SGK1: variants seen among roughly 807,000 people sequenced by gnomAD.
SGK1 encodes the protein serum/glucocorticoid regulated kinase 1.
Under a neutral mutation model 64.2 loss-of-function variants are expected in SGK1, and 26 were observed. That is an observed-to-expected ratio of 0.40 (90% CI 0.30 to 0.56). The LOEUF is 0.56. Ranked by LOEUF, SGK1 falls within the 20% of genes least tolerant of loss-of-function variation. SGK1 has a pLI of 0.38. For missense variants in SGK1, 519 were observed against 645.6 expected, an observed-to-expected ratio of 0.80 and a Z score of 2.12; for synonymous variants, 265 against 239.7, an observed-to-expected ratio of 1.11 and a Z score of -0.98.
chr6:134,294,453 G>A (rs1449149009), intron 1 of SGK1, among the ~76,000 whole-genome samples: 1 of 152,028 alleles, frequency 6.6e-6, no homozygotes, highest in Non-Finnish European at 1.5e-5. Context: ...CTATAAATGG[G>A]ACTACTCTAA....
intron 3 of SGK1, among the ~76,000 whole-genome samples, chr6:134,202,290 T>A (rs2114677755): frequency 6.6e-6 from 1 of 152,314 alleles, no homozygotes; most frequent in South Asian, 2.1e-4. Context: ...GGTATTTCCA[T>A]TTATAAAGAC....
chr6:134,244,759 C>T (rs1052712273), intron 2 of SGK1, among the ~76,000 whole-genome samples: 11 of 152,194 alleles, frequency 7.2e-5, no homozygotes, highest in African/African-American at 2.4e-4. Flanking sequence ...TGTTCCTATT[C>T]GGCCATCTTG....
chr6:134,188,874 A>G (rs1775462466), intron 3 of SGK1, among the ~76,000 whole-genome samples: 1 of 150,506 alleles, frequency 6.6e-6, no homozygotes, highest in South Asian at 2.1e-4. Context: ...CTGGGGCTAC[A>G]GGCACATGCC....
At chr6:134,292,331 G>A (rs1174857875) in intron 1 of SGK1, among the ~76,000 whole-genome samples, 8 of 152,188 alleles carry the variant, frequency 5.3e-5, no homozygotes, top group African/African-American at 1.9e-4. Flanking sequence ...GGTGGCTCAT[G>A]CCTGTAATCC....
At chr6:134,287,868 G>A (rs1001970858) in intron 1 of SGK1, among the ~76,000 whole-genome samples, 3 of 152,158 alleles carry the variant, frequency 2.0e-5, no homozygotes, top group African/African-American at 7.2e-5. Context: ...TTGGAGAGCT[G>A]TATGTTGTCA....
chr6:134,299,991 T>A (rs1777423509), intron 1 of SGK1, among the ~76,000 whole-genome samples: 1 of 152,064 alleles, frequency 6.6e-6, no homozygotes, highest in African/African-American at 2.4e-5. Context: ...AGCAGATAAC[T>A]GAGAAAATAA....
intron 3 of SGK1, among the ~76,000 whole-genome samples, 174 bp downstream of exon 3, chr6:134,207,182 C>T (rs369936246): frequency 2.0e-5 from 3 of 151,788 alleles, no homozygotes; most frequent in South Asian, 2.1e-4. Flanking sequence ...GCTGAGATTG[C>T]GCCACTGCCC....
chr6:134,210,092 A>C (rs981560889), intron 2 of SGK1, among the ~76,000 whole-genome samples: 1 of 152,242 alleles, frequency 6.6e-6, no homozygotes, highest in Non-Finnish European at 1.5e-5. Flanking sequence ...GGGATCTCAA[A>C]GAGGTATTTT....
At chr6:134,223,790 C>G (rs561645625) in intron 2 of SGK1, among the ~76,000 whole-genome samples, 13 of 152,316 alleles carry the variant, frequency 8.5e-5, no homozygotes, top group African/African-American at 3.1e-4. Flanking sequence ...CGCATGGTTT[C>G]TTTTCTTTGT....
chr6:134,182,218 G>A (rs560252237), intron 3 of SGK1, among the ~76,000 whole-genome samples: 3 of 152,206 alleles, frequency 2.0e-5, no homozygotes, highest in East Asian at 3.9e-4. Context: ...CTGTATAGCG[G>A]GGAGAGTTAT....
At chr6:134,206,080 T>G (rs1319152596) in intron 3 of SGK1, among the ~76,000 whole-genome samples, 1 of 152,046 alleles carries the variant, frequency 6.6e-6, no homozygotes, top group African/African-American at 2.4e-5. Flanking sequence ...TCCGATCTCA[T>G]AAAGTGGCAT....
At chr6:134,200,729 C>T (rs1226609131) in intron 3 of SGK1, among the ~76,000 whole-genome samples, 8 of 152,052 alleles carry the variant, frequency 5.3e-5, no homozygotes, top group Non-Finnish European at 1.2e-4. Flanking sequence ...CATGGAGAAA[C>T]CCCGTCTCTA....
rs143618708 is a variant in SGK1, at chr6:134,248,606, G to A, written c.285+13327C>T. 5.9e-5 allele frequency among the ~76,000 whole-genome samples: 9 copies of A among 151,766 alleles called. No homozygotes were observed. The East Asian group carries it at 1.6e-3, about 26-fold the overall frequency. The stretch of plus-strand genomic sequence containing the variant: ...AGCTGGGATTACAGTCATGTGCCAC[G>A]ACGCCCAGATAGTTTTTATATTTTT... On this transcript the variant is annotated intron_variant, in intron 2 of 13. Coordinates refer to ENST00000367858, the MANE Select transcript of SGK1 (RefSeq NM_001143676.3).
At chr6:134,183,848 A>ACCCCCCCCCCCC (rs1562243390) in intron 3 of SGK1, among the ~76,000 whole-genome samples, 7 of 80,128 alleles carry the variant, frequency 8.7e-5, no homozygotes, top group Non-Finnish European at 1.3e-4. Flanking sequence ...ACCTGTCCCC[A>ACCCCCCCCCCCC]CCCCACCCCC....
intron 2 of SGK1, 109 bp from the exon 3 acceptor site, chr6:134,207,540 T>C (rs1775813317): frequency 5.4e-6 from 4 of 745,454 alleles, no homozygotes; most frequent in African/African-American, 1.7e-5. Context: ...CTAGTACATA[T>C]GGCATGTCTG....
chr6:134,171,119 G>C lies in SGK1; in HGVS notation c.1227C>G (p.Leu409=). Residue 409 remains leucine, a synonymous_variant, in exon 12 of 14, where the codon CTC becomes CTG. Coordinates refer to ENST00000367858, the MANE Select transcript of SGK1 (RefSeq NM_001143676.3). ...AATTTGTAATATTTGGTTTCAGCTG[G>C]AGAGGCTTGTTCAGAATGTTGTCGT... is the stretch of plus-strand genomic sequence containing the variant. ...EMYDNILNKP[L]QLKPNITNSA... 1 of 1,614,150 alleles carries C rather than the reference G, an allele frequency of 6.2e-7. No homozygotes were observed. The highest frequency in any genetic ancestry group is 8.5e-7 in the Non-Finnish European group (1 of 1,180,020).
intron 2 of SGK1, among the ~76,000 whole-genome samples, chr6:134,255,169 AC>A (rs1374681331): frequency 1.3e-5 from 2 of 152,036 alleles, no homozygotes; most frequent in Non-Finnish European, 2.9e-5. Context: ...GTGCCCGGCT[AC>A]AAATCTCTTT....
intron 1 of SGK1, among the ~76,000 whole-genome samples, chr6:134,296,041 G>A (rs1249879137): frequency 1.3e-5 from 2 of 152,332 alleles, no homozygotes; most frequent in African/African-American, 2.4e-5. Flanking sequence ...AATGCTCAGC[G>A]AAAAACCACA....
chr6:134,177,753 G>A, intron 3 of SGK1: 1 of 1,613,990 alleles, frequency 6.2e-7, no homozygotes, highest in Non-Finnish European at 8.5e-7. Flanking sequence ...GCTGGAGGTA[G>A]AGCCCAGTTA....
Sources: allele counts gnomAD v4.1 joint callset (sites outside exome capture counted in the v4.1 genomes callset), GRCh38; gene constraint gnomAD v4.1.1; transcripts MANE v1.5; gene names NCBI Gene and HGNC (gene_info 2026-07-23, HGNC 2026-07-21).